Variants in RALGAPA2 observed in about 807,000 individuals in gnomAD.
RALGAPA2 encodes ral GTPase-activating protein subunit alpha-2.
In RALGAPA2, 139 loss-of-function variants were observed where a neutral mutation model predicts 230.4. That is an observed-to-expected ratio of 0.60 (90% CI 0.53 to 0.69). The LOEUF (loss-of-function observed/expected upper bound fraction) is 0.69. RALGAPA2 is among the 30% of genes least tolerant of loss of function. The pLI is 0.00. For synonymous variants in RALGAPA2, 847 were observed against 837.8 expected (o/e 1.01, Z -0.19); for missense variants, 2,163 against 2,276.0 (o/e 0.95, Z 1.01).
chr20:20,535,420 A>G lies in RALGAPA2; in HGVS notation c.3473+325T>C, dbSNP rs1218446822. On this transcript the variant is annotated intron_variant, in intron 26 of 39. Coordinates refer to ENST00000202677, the MANE Select transcript of RALGAPA2 (RefSeq NM_020343.4). ...TTGAGAGTCACTACCCTACACATAC[A>G]CCATTTCTATAAATATTTGGTTTAT... is the stretch of plus-strand genomic sequence containing the variant. Among the ~76,000 whole-genome samples the G allele has an allele frequency of 2.0e-5, 3 of 152,052 alleles. No individual in the cohort carries two copies. In the East Asian group the frequency reaches 5.8e-4, roughly 29 times the overall value.
At position 20,702,831 on chromosome 20, in the gene RALGAPA2, A is replaced by T. The variant is rs141949880; in HGVS notation, c.106+9544T>A. Among the ~76,000 whole-genome samples, 95 of 152,336 alleles carry T rather than the reference A, an allele frequency of 6.2e-4. 1 individual carries two copies. In the East Asian group the frequency reaches 0.018, roughly 28 times the overall value. On this transcript the variant is annotated intron_variant, in intron 1 of 39. Coordinates refer to ENST00000202677, the MANE Select transcript of RALGAPA2 (RefSeq NM_020343.4). ...CAATATCCATGGGCTCCTGAACTTT[A>T]TCAAAAGGGATTTTTTTAACTTAAC...
chr20:20,438,029 T>A (rs953234513), intron 37 of RALGAPA2, among the ~76,000 whole-genome samples: 1 of 152,212 alleles, frequency 6.6e-6, no homozygotes, highest in East Asian at 1.9e-4. Context: ...ATGGACCCCA[T>A]GGGGATCTTC....
chr20:20,434,308 C>G (rs532237381), intron 37 of RALGAPA2, among the ~76,000 whole-genome samples: 1 of 152,212 alleles, frequency 6.6e-6, no homozygotes, highest in South Asian at 2.1e-4. Flanking sequence ...AAGTGCAGAG[C>G]TAAAATCCAC....
chr20:20,647,256 T>G (rs1304806026), intron 4 of RALGAPA2, among the ~76,000 whole-genome samples: 3 of 152,200 alleles, frequency 2.0e-5, no homozygotes, highest in African/African-American at 7.2e-5. Context: ...TAAAACCTCC[T>G]TCTCAATATC....
chr20:20,568,164 G>C (rs2064506479), intron 23 of RALGAPA2, among the ~76,000 whole-genome samples: 1 of 151,880 alleles, frequency 6.6e-6, no homozygotes. Context: ...TAGTTATTTT[G>C]GAACTGTTTA....
intron 37 of RALGAPA2, among the ~76,000 whole-genome samples, chr20:20,446,236 C>T (rs971650793): frequency 6.6e-6 from 1 of 152,080 alleles, no homozygotes; most frequent in Non-Finnish European, 1.5e-5. Flanking sequence ...GAGATATCCC[C>T]CTCTCAACTT....
chr20:20,624,229 A>G (rs887904905), intron 10 of RALGAPA2, among the ~76,000 whole-genome samples: 1 of 150,614 alleles, frequency 6.6e-6, no homozygotes, highest in Non-Finnish European at 1.5e-5. Flanking sequence ...TGGGAGGCTG[A>G]GGAAGAAGAA....
intron 20 of RALGAPA2, among the ~76,000 whole-genome samples, chr20:20,582,092 C>T (rs974589134): frequency 2.6e-5 from 4 of 151,964 alleles, no homozygotes; most frequent in South Asian, 2.1e-4. Flanking sequence ...ATGGCCTCCC[C>T]GTTCTCATCA....
chr20:20,560,995 T>C (rs73124420), intron 23 of RALGAPA2, among the ~76,000 whole-genome samples: 7,881 of 152,324 alleles, frequency 0.052, 277 homozygotes, highest in Middle Eastern at 0.22. Context: ...AAACAGGCTA[T>C]GTATCTGTTC....
At chr20:20,460,165 C>T (rs751774179) in intron 37 of RALGAPA2, among the ~76,000 whole-genome samples, 4 of 151,986 alleles carry the variant, frequency 2.6e-5, no homozygotes, top group Non-Finnish European at 5.9e-5. Context: ...GCTGGGAGAA[C>T]GAGCGAGGGG....
rs573061807 is a variant in RALGAPA2 at position 20,598,710 on chromosome 20, G to A, written c.2203+2972C>T. 2.9e-4 allele frequency: 134 copies of A among 456,494 alleles called. 1 individual carries two copies. The highest frequency in any genetic ancestry group is 2.1e-3 in the African/African-American group (107 of 50,084). 28.3% of individuals were successfully genotyped at this position (456,494 alleles called of 1,614,324 possible). A position where few individuals can be genotyped will look rare whatever the true frequency, so the allele number is the denominator to read the frequency against. On this transcript the variant is annotated intron_variant, in intron 16 of 39. Transcript: ENST00000202677. ...GCCTGTGAGAGCAAGAAGAGTAAGA[G>A]AGACCAGGTAAGAGAGCGCTCACGG...
intron 2 of RALGAPA2, among the ~76,000 whole-genome samples, chr20:20,679,573 T>C (rs1470801480): frequency 6.6e-6 from 1 of 152,122 alleles, no homozygotes; most frequent in Non-Finnish European, 1.5e-5. Context: ...GCAAGCATTA[T>C]CTAATTTCCT....
At chr20:20,560,516 C>A (rs2064225628) in intron 23 of RALGAPA2, among the ~76,000 whole-genome samples, 1 of 152,124 alleles carries the variant, frequency 6.6e-6, no homozygotes, top group Non-Finnish European at 1.5e-5. Context: ...AATCAACAGA[C>A]AAAAAGAGAT....
At chr20:20,639,956 AT>A in intron 6 of RALGAPA2, 56 bp from the exon 7 acceptor site, 2 of 1,345,548 alleles carry the variant, frequency 1.5e-6, no homozygotes, top group Non-Finnish European at 2.1e-6. Flanking sequence ...TTTAAACAGA[AT>A]TTAGGGTTTT....
At chr20:20,628,016 G>A (rs960378358) in intron 10 of RALGAPA2, among the ~76,000 whole-genome samples, 1 of 152,168 alleles carries the variant, frequency 6.6e-6, no homozygotes, top group African/African-American at 2.4e-5. Context: ...AAGACACAGA[G>A]AGTGAGAAGA....
intron 1 of RALGAPA2, among the ~76,000 whole-genome samples, chr20:20,687,929 G>C (rs1174500725): frequency 6.6e-6 from 1 of 152,186 alleles, no homozygotes; most frequent in Non-Finnish European, 1.5e-5. Flanking sequence ...GCTAGCCAGA[G>C]TGAAGGCAGG....
At chr20:20,405,041 A>AT (rs1484223093) in intron 38 of RALGAPA2, among the ~76,000 whole-genome samples, 2 of 152,004 alleles carry the variant, frequency 1.3e-5, no homozygotes, top group African/African-American at 4.8e-5. Context: ...CTATCTTTTT[A>AT]TTTTTGTCCA....
intron 24 of RALGAPA2, among the ~76,000 whole-genome samples, chr20:20,537,159 AG>A (rs2063518829): frequency 6.6e-6 from 1 of 152,236 alleles, no homozygotes; most frequent in Admixed American, 6.5e-5. Context: ...GAAAATTCAT[AG>A]GGAAGTAGAG....
intron 31 of RALGAPA2, among the ~76,000 whole-genome samples, chr20:20,519,802 G>A (rs1162243901): frequency 2.6e-5 from 4 of 152,032 alleles, no homozygotes; most frequent in Non-Finnish European, 4.4e-5. Context: ...TCTAGTCTTG[G>A]GCCTAGGTTT....
Sources: gnomAD v4.1 joint callset for allele counts (sites outside exome capture counted in the v4.1 genomes callset) on GRCh38, gnomAD v4.1.1 for gene constraint, MANE v1.5 for transcripts, NCBI Gene and HGNC (gene_info 2026-07-23, HGNC 2026-07-21) for gene names.